UNC5B: variants seen among roughly 807,000 people sequenced by gnomAD.
The protein encoded by UNC5B is unc-5 netrin receptor B, also known as netrin receptor UNC5B.
A neutral mutation model predicts 103.7 loss-of-function variants in UNC5B; 56 were observed. The ratio of observed to expected loss-of-function variants is 0.54; its 90% CI spans 0.44 to 0.67. The LOEUF (loss-of-function observed/expected upper bound fraction) is 0.67, where lower values mean the gene tolerates loss of function less well. Among genes scored for constraint, UNC5B ranks in the 30% least tolerant of loss-of-function variants. The pLI is 0.00. For synonymous variants in UNC5B, 577 were observed against 542.0 expected, an observed-to-expected ratio of 1.06 and a Z score of -0.90; for missense variants, 1,194 against 1,284.5, an observed-to-expected ratio of 0.93 and a Z score of 1.08.
rs1236025713 is a variant in UNC5B at position 71,286,878 on chromosome 10, C to T, written c.733+9C>T. On this transcript the variant is annotated intron_variant, in intron 5 of 16. Transcript: ENST00000335350. ...CACCGTCATCGTCTACGGTGCGGGC[C>T]TTTCGGAGTGGGAGGGGCAGACACG... The T allele has an allele frequency of 5.6e-6, 9 of 1,611,680 alleles. No individual in the cohort carries two copies. The highest frequency in any genetic ancestry group is 1.7e-5 in the Admixed American group (1 of 59,954).
chr10:71,292,417 CTT>C (rs1845288365), intron 10 of UNC5B, 48 bp from the exon 11 acceptor site: 3 of 1,505,962 alleles, frequency 2.0e-6, no homozygotes, highest in Non-Finnish European at 1.8e-6. Flanking sequence ...TTCCCAAACA[CTT>C]GTTCTCCTAA....
chr10:71,255,684 T>G (rs1418654328), intron 1 of UNC5B, among the ~76,000 whole-genome samples: 1 of 152,208 alleles, frequency 6.6e-6, no homozygotes, highest in Admixed American at 6.5e-5. Flanking sequence ...GTGATCTCAT[T>G]TAATTTTCTC....
chr10:71,234,244 T>G (rs1287103912), intron 1 of UNC5B, among the ~76,000 whole-genome samples: 1 of 152,244 alleles, frequency 6.6e-6, no homozygotes, highest in African/African-American at 2.4e-5. Flanking sequence ...TTAGGGCCTG[T>G]GCCCTTGGCC....
intron 1 of UNC5B, among the ~76,000 whole-genome samples, chr10:71,247,737 A>G (rs1331792423): frequency 1.3e-5 from 2 of 152,224 alleles, no homozygotes; most frequent in African/African-American, 2.4e-5. Context: ...GTTCTGTGCC[A>G]TAGAACAAAG....
chr10:71,266,240 G>A (rs947787578), intron 1 of UNC5B, among the ~76,000 whole-genome samples: 5 of 152,056 alleles, frequency 3.3e-5, no homozygotes, highest in African/African-American at 9.7e-5. Context: ...GCAAATGGGG[G>A]CAGGATGGGA....
intron 4 of UNC5B, 87 bp downstream of exon 4, chr10:71,285,516 G>A (rs1845053022): frequency 8.2e-7 from 1 of 1,215,672 alleles, no homozygotes; most frequent in Non-Finnish European, 1.1e-6. Context: ...CACCAGCCAT[G>A]GTGCTAGTCT....
In UNC5B at chr10:71,221,346, C is replaced by T. The variant is rs1282562051; in HGVS notation, c.79+8282C>T. 3.9e-5 allele frequency among the ~76,000 whole-genome samples: 6 copies of T among 152,166 alleles called. No homozygotes were observed. The South Asian group carries it at 8.3e-4, about 21-fold the overall frequency. On this transcript the variant is annotated intron_variant, in intron 1 of 16. Coordinates refer to ENST00000335350, the MANE Select transcript of UNC5B (RefSeq NM_170744.5). Reference sequence around the variant, plus strand: ...TGGTCCCCCCCCTTGTCACCCACTCCGAAGCTCAAGTGCGCCCTGCTGAGG... The same window carrying T: ...TGGTCCCCCCCCTTGTCACCCACTCTGAAGCTCAAGTGCGCCCTGCTGAGG...
intron 1 of UNC5B, among the ~76,000 whole-genome samples, chr10:71,243,872 T>A (rs140024554): frequency 1.4e-4 from 21 of 152,376 alleles, no homozygotes; most frequent in African/African-American, 4.8e-4. Context: ...TGAAGGACCT[T>A]ATGTATCAGG....
chr10:71,234,428 C>T (rs990884884), intron 1 of UNC5B, among the ~76,000 whole-genome samples: 2 of 152,246 alleles, frequency 1.3e-5, no homozygotes, highest in East Asian at 1.9e-4. Flanking sequence ...AAAACCTGCT[C>T]TCTGCTCTAT....
Position 71,288,564 on chromosome 10 carries a change from A to G in UNC5B, c.902-4A>G, listed in dbSNP as rs201003508. Reference sequence around the variant, plus strand: ...ACATGCTCCTGTATGCCATGCTCTTACAGTCGATGGGGCGTGGACGGAGTG... The same window carrying G: ...ACATGCTCCTGTATGCCATGCTCTTGCAGTCGATGGGGCGTGGACGGAGTG... On this transcript the variant is annotated splice_polypyrimidine_tract_variant and splice_region_variant and intron_variant, in intron 6 of 16. Coordinates refer to ENST00000335350, the MANE Select transcript of UNC5B (RefSeq NM_170744.5). The G allele has an allele frequency of 2.9e-5, 47 of 1,611,148 alleles. No individual in the cohort carries two copies. In the African/African-American group the frequency reaches 3.6e-4, roughly 12 times the overall value.
At chr10:71,280,122 T>A (rs1844886183) in intron 2 of UNC5B, 77 bp downstream of exon 2, 5 of 1,478,232 alleles carry the variant, frequency 3.4e-6, no homozygotes, top group Admixed American at 1.7e-5. Flanking sequence ...ATGTGAGACT[T>A]CACACAGCCA....
chr10:71,212,741 C>A lies in UNC5B; in HGVS notation c.-245C>A. On this transcript the variant is annotated 5_prime_UTR_variant, in exon 1 of 17. Transcript: ENST00000335350. Reference sequence around the variant, plus strand: ...GGAGCCAGGCGAGCGCTCAGAGACCCGGAGCCAGAGGGGCGCGCCGGAGCC... The same window carrying A: ...GGAGCCAGGCGAGCGCTCAGAGACCAGGAGCCAGAGGGGCGCGCCGGAGCC... 1 of 341,712 alleles carries A rather than the reference C, an allele frequency of 2.9e-6. No individual in the cohort carries two copies. The highest frequency in any genetic ancestry group is 5.3e-6 in the Non-Finnish European group (1 of 189,772). The allele number at this position is 341,712 out of a possible 1,614,324, so 21.2% of individuals were successfully genotyped here.
chr10:71,212,976 C>T lies in UNC5B; in HGVS notation c.-10C>T. On this transcript the variant is annotated 5_prime_UTR_variant, in exon 1 of 17. Coordinates refer to ENST00000335350, the MANE Select transcript of UNC5B (RefSeq NM_170744.5). ...CTGGGGGAGAGGCGCCCGAACCAGGCCGCGGGAGCATGGGGGCCCGGAGCG... is the reference window on the plus strand; with the variant it reads ...CTGGGGGAGAGGCGCCCGAACCAGGTCGCGGGAGCATGGGGGCCCGGAGCG... 2 of 1,361,534 alleles carry T rather than the reference C, an allele frequency of 1.5e-6. No individual in the cohort carries two copies. Among genetic ancestry groups the T allele is most frequent in the Non-Finnish European group, 9.5e-7 (1 of 1,053,624 alleles). The allele number at this position is 1,361,534 out of a possible 1,614,324, so 84.3% of individuals were successfully genotyped here.
intron 1 of UNC5B, among the ~76,000 whole-genome samples, chr10:71,227,092 C>A (rs368623171): frequency 5.9e-4 from 90 of 151,708 alleles, no homozygotes; most frequent in African/African-American, 2.1e-3. Flanking sequence ...TCAAGCAATT[C>A]TCCTGCCTCA....
At chr10:71,277,479 C>G (rs1694515382) in intron 1 of UNC5B, among the ~76,000 whole-genome samples, 1 of 152,200 alleles carries the variant, frequency 6.6e-6, no homozygotes, top group Non-Finnish European at 1.5e-5. Context: ...TCTCTGCTGC[C>G]CAGATGCCCT....
intron 14 of UNC5B, 148 bp downstream of exon 14, chr10:71,296,108 T>G: frequency 1.6e-6 from 2 of 1,217,310 alleles, no homozygotes; most frequent in Non-Finnish European, 2.3e-6. Flanking sequence ...CCCACCCCAG[T>G]CTCTAGGCTT....
At chr10:71,221,024 G>A (rs988880749) in intron 1 of UNC5B, among the ~76,000 whole-genome samples, 3 of 152,214 alleles carry the variant, frequency 2.0e-5, no homozygotes, top group Admixed American at 6.5e-5. Flanking sequence ...TCTATCTGAA[G>A]AGGCTCCAGC....
chr10:71,264,685 G>A (rs926065184), intron 1 of UNC5B, among the ~76,000 whole-genome samples: 4 of 152,092 alleles, frequency 2.6e-5, no homozygotes, highest in East Asian at 1.9e-4. Context: ...GTGGACTGGC[G>A]GCAGCACCTA....
chr10:71,298,969 A>G, intron 16 of UNC5B, 143 bp from the exon 17 acceptor site: 1 of 1,061,336 alleles, frequency 9.4e-7, no homozygotes, highest in South Asian at 1.5e-5. Context: ...CACAGACTGC[A>G]GCACAGTAGC....
Sources: gnomAD v4.1 joint callset for allele counts (sites outside exome capture counted in the v4.1 genomes callset) on GRCh38, gnomAD v4.1.1 for gene constraint, MANE v1.5 for transcripts, NCBI Gene and HGNC (gene_info 2026-07-23, HGNC 2026-07-21) for gene names.